Variants in TIAM1 observed in about 807,000 individuals in gnomAD.
TIAM1 encodes rho guanine nucleotide exchange factor TIAM1.
Under a neutral mutation model 163.5 loss-of-function variants are expected in TIAM1, and 65 were observed. The ratio of observed to expected loss-of-function variants is 0.40; its 90% CI spans 0.33 to 0.49. The LOEUF (loss-of-function observed/expected upper bound fraction) is 0.49. Among genes scored for constraint, TIAM1 ranks in the 20% least tolerant of loss-of-function variants. The pLI is 0.77. For synonymous variants in TIAM1, 833 were observed against 810.1 expected, an observed-to-expected ratio of 1.03 and a Z score of -0.48; for missense variants, 1,789 against 2,044.7, an observed-to-expected ratio of 0.87 and a Z score of 2.41.
intron 6 of TIAM1, among the ~76,000 whole-genome samples, chr21:31,228,220 T>TAA (rs71191197): frequency 6.2e-4 from 10 of 16,252 alleles, no homozygotes; most frequent in Non-Finnish European, 1.1e-3. Flanking sequence ...CTCCTTTTTT[T>TAA]AAAAAAAAAA....
At chr21:31,394,553 C>G (rs1053146296) in intron 2 of TIAM1, among the ~76,000 whole-genome samples, 7 of 151,954 alleles carry the variant, frequency 4.6e-5, no homozygotes, top group African/African-American at 1.7e-4. Flanking sequence ...AAGAAATGCA[C>G]CAGTCTGGGG....
chr21:31,544,920 G>A (rs2048439550), intron 1 of TIAM1, among the ~76,000 whole-genome samples: 1 of 152,150 alleles, frequency 6.6e-6, no homozygotes, highest in Admixed American at 6.5e-5. Flanking sequence ...GGCTGAGGCA[G>A]GAGAATGGCG....
At chr21:31,181,440 G>A (rs2085007567) in intron 15 of TIAM1, among the ~76,000 whole-genome samples, 1 of 151,812 alleles carries the variant, frequency 6.6e-6, no homozygotes, top group Non-Finnish European at 1.5e-5. Flanking sequence ...CGAAAGGCAG[G>A]TGGCACTCAC....
chr21:31,503,224 G>C (rs2046905858), intron 1 of TIAM1, among the ~76,000 whole-genome samples: 1 of 151,468 alleles, frequency 6.6e-6, no homozygotes, highest in African/African-American at 2.4e-5. Flanking sequence ...GCAAAACCCC[G>C]TCTCTACTAA....
At chr21:31,198,187 C>T (rs1453201425) in intron 12 of TIAM1, among the ~76,000 whole-genome samples, 1 of 152,182 alleles carries the variant, frequency 6.6e-6, no homozygotes, top group African/African-American at 2.4e-5. Flanking sequence ...CACAGCCATT[C>T]GTCCAGAAAC....
chr21:31,201,966 C>T (rs368573808), intron 12 of TIAM1, among the ~76,000 whole-genome samples: 1 of 152,114 alleles, frequency 6.6e-6, no homozygotes, highest in South Asian at 2.1e-4. Context: ...TTGTAAAATC[C>T]TAGAAATTAA....
At chr21:31,438,579 G>A (rs913923930) in intron 2 of TIAM1, among the ~76,000 whole-genome samples, 1 of 152,046 alleles carries the variant, frequency 6.6e-6, no homozygotes, top group Non-Finnish European at 1.5e-5. Flanking sequence ...GTGCACAAAC[G>A]TACCATCAGC....
At chr21:31,349,365 C>T (rs987210838) in intron 2 of TIAM1, among the ~76,000 whole-genome samples, 4 of 152,124 alleles carry the variant, frequency 2.6e-5, no homozygotes, top group Non-Finnish European at 1.5e-5. Flanking sequence ...AGGAAACATC[C>T]GTGAGCTCTT....
chr21:31,541,611 G>A (rs980148850), intron 1 of TIAM1, among the ~76,000 whole-genome samples: 6 of 152,064 alleles, frequency 3.9e-5, no homozygotes, highest in Non-Finnish European at 8.8e-5. Flanking sequence ...GAAATATGAG[G>A]ATAAAGTGGC....
chr21:31,190,130 C>T (rs1006539675), intron 13 of TIAM1, among the ~76,000 whole-genome samples: 2 of 152,066 alleles, frequency 1.3e-5, no homozygotes, highest in African/African-American at 2.4e-5. Context: ...TAAGGTCGGG[C>T]GTGGTGGCTC....
At chr21:31,546,463 T>A (rs914064857) in intron 1 of TIAM1, among the ~76,000 whole-genome samples, 6 of 151,472 alleles carry the variant, frequency 4.0e-5, no homozygotes, top group African/African-American at 1.5e-4. Flanking sequence ...GGAAGGAGAA[T>A]CGCTTGAAAC....
rs869158026 is a variant in TIAM1 at position 31,148,956 on chromosome 21, C to CTTTTTTTTTTTT, written c.3367-1954_3367-1953insAAAAAAAAAAAA. Among the ~76,000 whole-genome samples, 28 of 28,866 alleles carry CTTTTTTTTTTTT rather than the reference C, an allele frequency of 9.7e-4. 3 individuals carry two copies. Among genetic ancestry groups the CTTTTTTTTTTTT allele is most frequent in the African/African-American group, 2.3e-3 (25 of 10,710 alleles). The allele number at this position is 28,866 out of a possible 152,430, so 18.9% of individuals were successfully genotyped here. A position where few individuals can be genotyped will look rare whatever the true frequency, so the allele number is the denominator to read the frequency against. ...AGTTTGAAGATTTTAACAAGTTTTT[C>CTTTTTTTTTTTT]TTTTTCTTTTTTTTTTGGTCAAATA... On this transcript the variant is annotated intron_variant, in intron 19 of 27. Transcript: ENST00000541036.
At chr21:31,456,556 T>C (rs947005704) in intron 2 of TIAM1, among the ~76,000 whole-genome samples, 1 of 152,364 alleles carries the variant, frequency 6.6e-6, no homozygotes, top group Admixed American at 6.5e-5. Flanking sequence ...CTTTCATTAT[T>C]ATTTTAGGCT....
chr21:31,536,290 A>G (rs754797474), intron 1 of TIAM1, among the ~76,000 whole-genome samples: 1 of 152,262 alleles, frequency 6.6e-6, no homozygotes, highest in Non-Finnish European at 1.5e-5. Flanking sequence ...TAAGTGGCTA[A>G]GCAATGCAGT....
chr21:31,322,433 C>T (rs918804447), intron 2 of TIAM1, among the ~76,000 whole-genome samples: 4 of 127,522 alleles, frequency 3.1e-5, no homozygotes, highest in South Asian at 2.4e-4. Context: ...GTCCTACTCA[C>T]GATACCTCTA....
At chr21:31,223,690 A>C in intron 7 of TIAM1, 99 bp from the exon 8 acceptor site, 1 of 1,232,028 alleles carries the variant, frequency 8.1e-7, no homozygotes, top group Non-Finnish European at 1.1e-6. Context: ...AAAGGCATTC[A>C]TTATAATCCT....
At chr21:31,316,283 G>A (rs2075121505) in intron 2 of TIAM1, among the ~76,000 whole-genome samples, 1 of 152,102 alleles carries the variant, frequency 6.6e-6, no homozygotes, top group Non-Finnish European at 1.5e-5. Context: ...TGCTCTGAAA[G>A]AGGATGAGTT....
intron 13 of TIAM1, among the ~76,000 whole-genome samples, chr21:31,187,863 T>C (rs1467059355): frequency 6.6e-6 from 1 of 152,142 alleles, no homozygotes; most frequent in Non-Finnish European, 1.5e-5. Flanking sequence ...CCTAATCAAT[T>C]ACTTTGAATG....
chr21:31,271,379 C>T (rs1007731984), intron 3 of TIAM1, among the ~76,000 whole-genome samples: 1 of 152,112 alleles, frequency 6.6e-6, no homozygotes, highest in Admixed American at 6.5e-5. Context: ...GTCTTAAATA[C>T]GCTAGCCTCT....
Sources: allele counts gnomAD v4.1 joint callset (sites outside exome capture counted in the v4.1 genomes callset), GRCh38; gene constraint gnomAD v4.1.1; transcripts MANE v1.5; gene names NCBI Gene and HGNC (gene_info 2026-07-23, HGNC 2026-07-21).